Variants in PARVB observed in about 807,000 individuals in gnomAD.
The protein encoded by PARVB is beta-parvin.
Under a neutral mutation model 47.0 loss-of-function variants are expected in PARVB, and 46 were observed. The observed-to-expected ratio is 0.98, with a 90% CI of 0.77 to 1.25. PARVB has a LOEUF of 1.25. Ranked by LOEUF, PARVB falls within the 50% of genes most tolerant of loss-of-function variation. The pLI, the probability that PARVB is intolerant of heterozygous loss-of-function variation, is 0.00. For missense variants in PARVB, 473 were observed against 471.6 expected (o/e 1.00, Z -0.03); for synonymous variants, 196 against 196.3 (o/e 1.00, Z 0.01).
intron 1 of PARVB, among the ~76,000 whole-genome samples, chr22:44,056,016 A>G (rs1259733203): frequency 6.6e-6 from 1 of 152,244 alleles, no homozygotes; most frequent in East Asian, 1.9e-4. Context: ...CACCCAGTCC[A>G]GGCAGCTAGT....
Position 44,103,126 on chromosome 22 carries a change from G to A in PARVB, c.273+3003G>A, listed in dbSNP as rs1225672498. The A allele has an allele frequency of 6.6e-6, 1 of 152,340 alleles. No homozygotes were observed. Among genetic ancestry groups the A allele is most frequent in the African/African-American group, 2.4e-5 (1 of 41,460 alleles). 9.4% of individuals were successfully genotyped at this position (152,340 alleles called of 1,614,324 possible). Reference sequence around the variant, plus strand: ...ACCCCCAGGCTGTTTTGGCCTTGGTGGGGCGAGGGCTGGCTGCTGCATGTC... The same window carrying A: ...ACCCCCAGGCTGTTTTGGCCTTGGTAGGGCGAGGGCTGGCTGCTGCATGTC... On this transcript the variant is annotated intron_variant, in intron 3 of 12. Transcript: ENST00000338758. This position sits in a 1 kb window ranked among gnomAD's most constrained non-coding sequence, Gnocchi z 4.6.
intron 2 of PARVB, among the ~76,000 whole-genome samples, chr22:44,003,582 C>G (rs948289808): frequency 6.6e-6 from 1 of 152,184 alleles, no homozygotes; most frequent in African/African-American, 2.4e-5. Context: ...TGGAATCTGA[C>G]CCTTTCTTTC....
At chr22:44,117,157 G>A (rs1049566402) in intron 3 of PARVB, among the ~76,000 whole-genome samples, 4 of 152,182 alleles carry the variant, frequency 2.6e-5, no homozygotes, top group Non-Finnish European at 4.4e-5. Flanking sequence ...GGGGCATGGA[G>A]AGGCGGGCCC....
chr22:44,147,958 C>T (rs763967597), intron 9 of PARVB, 36 bp downstream of exon 9: 2 of 1,575,184 alleles, frequency 1.3e-6, no homozygotes, highest in Admixed American at 1.7e-5. Flanking sequence ...GTGCTCTCCC[C>T]TGGCTCGCGG....
upstream of PARVB, among the ~76,000 whole-genome samples, chr22:44,023,587 T>C (rs138208413): frequency 0.018 from 2,583 of 145,656 alleles, 101 homozygotes; most frequent in African/African-American, 0.063. Context: ...TAAAATAAAA[T>C]AAAATAAAAT....
At chr22:44,008,135 C>G (rs1201343693) in intron 2 of PARVB, among the ~76,000 whole-genome samples, 3 of 152,078 alleles carry the variant, frequency 2.0e-5, no homozygotes, top group South Asian at 4.1e-4. Context: ...GAGTCTTGCT[C>G]TGTCACCCAG....
At chr22:44,059,475 C>T (rs1352781803) in intron 1 of PARVB, among the ~76,000 whole-genome samples, 1 of 152,198 alleles carries the variant, frequency 6.6e-6, no homozygotes, top group Non-Finnish European at 1.5e-5. Flanking sequence ...CACTGACAAG[C>T]CCTTTTAGGT....
chr22:44,119,216 G>A lies in PARVB; in HGVS notation c.376+76G>A. On this transcript the variant is annotated intron_variant, in intron 4 of 12. Coordinates refer to ENST00000338758, the MANE Select transcript of PARVB (RefSeq NM_013327.5). ...GCCCTGGGCTGGGCCAGGATTCTCTGCATAGTGACATCGGCCACAGGTCCT... is the reference window on the plus strand; with the variant it reads ...GCCCTGGGCTGGGCCAGGATTCTCTACATAGTGACATCGGCCACAGGTCCT... 4.0e-6 allele frequency: 4 copies of A among 1,000,972 alleles called. No individual in the cohort carries two copies. In the South Asian group the frequency reaches 5.1e-5, roughly 13 times the overall value. The allele number at this position is 1,000,972 out of a possible 1,614,324, so 62.0% of individuals were successfully genotyped here. A position where few individuals can be genotyped will look rare whatever the true frequency, so the allele number is the denominator to read the frequency against.
chr22:44,118,196 C>T (rs2052955430), intron 3 of PARVB, among the ~76,000 whole-genome samples: 1 of 152,154 alleles, frequency 6.6e-6, no homozygotes, highest in Non-Finnish European at 1.5e-5. Context: ...AAAATGTGGT[C>T]CCCCATGAGA....
intron 1 of PARVB, among the ~76,000 whole-genome samples, chr22:44,074,945 G>A (rs1403446502): frequency 6.6e-6 from 1 of 152,220 alleles, no homozygotes; most frequent in African/African-American, 2.4e-5. Flanking sequence ...GAGTCGGTGG[G>A]GACGGGGCTT....
At chr22:44,012,113 T>C (rs1020421043) in intron 2 of PARVB, among the ~76,000 whole-genome samples, 1 of 152,148 alleles carries the variant, frequency 6.6e-6, no homozygotes, top group African/African-American at 2.4e-5. Flanking sequence ...GGGGGCATAA[T>C]CTTTGGGGGA....
chr22:44,041,890 T>A (rs1027293725), intron 1 of PARVB, among the ~76,000 whole-genome samples: 1 of 151,164 alleles, frequency 6.6e-6, no homozygotes, highest in African/African-American at 2.4e-5. Context: ...GCCTCAAAAA[T>A]AAATAAATAA....
At chr22:44,088,413 C>T (rs1372003843) in intron 1 of PARVB, among the ~76,000 whole-genome samples, 2 of 152,090 alleles carry the variant, frequency 1.3e-5, no homozygotes, top group African/African-American at 4.8e-5. Flanking sequence ...GACTCTGGGG[C>T]TTCACATCTA....
intron 11 of PARVB, among the ~76,000 whole-genome samples, chr22:44,163,292 A>G (rs1161870811): frequency 6.6e-6 from 1 of 152,148 alleles, no homozygotes; most frequent in African/African-American, 2.4e-5. Flanking sequence ...CAACATGGCA[A>G]AACCCGTCTC....
intron 2 of PARVB, among the ~76,000 whole-genome samples, chr22:44,013,567 G>A (rs1333901516): frequency 1.3e-5 from 2 of 152,168 alleles, no homozygotes; most frequent in Non-Finnish European, 1.5e-5. Flanking sequence ...GTGGATTCAC[G>A]CAGTCTGTGC....
At chr22:44,111,511 A>G (rs1473413831) in intron 3 of PARVB, 1 of 125,394 alleles carries the variant, frequency 8.0e-6, no homozygotes, top group Admixed American at 1.1e-4. Context: ...GTGCAGTGTC[A>G]CCATCACAGC....
At chr22:44,131,911 C>A (rs1016832367) in intron 5 of PARVB, among the ~76,000 whole-genome samples, 4 of 152,154 alleles carry the variant, frequency 2.6e-5, no homozygotes, top group Non-Finnish European at 5.9e-5. Context: ...ATCAGAGGGA[C>A]TTTGAGAGAG....
chr22:44,047,239 TCTC>T (rs1396576480), intron 1 of PARVB, among the ~76,000 whole-genome samples: 2 of 152,112 alleles, frequency 1.3e-5, no homozygotes, highest in Non-Finnish European at 2.9e-5. Context: ...CTCAGGGGCT[TCTC>T]CTCATAGTGG....
chr22:44,067,788 C>T (rs954656647), intron 1 of PARVB, among the ~76,000 whole-genome samples: 3 of 152,194 alleles, frequency 2.0e-5, no homozygotes, highest in Non-Finnish European at 4.4e-5. Context: ...CATTGGGGAC[C>T]TGGATTAGCC....
Sources: gnomAD v4.1 joint callset for allele counts (sites outside exome capture counted in the v4.1 genomes callset) on GRCh38, gnomAD v4.1.1 for gene constraint, Gnocchi (gnomAD v3.1) non-coding constraint, MANE v1.5 for transcripts, NCBI Gene and HGNC (gene_info 2026-07-23, HGNC 2026-07-21) for gene names.